Variants in CACNB4 observed in about 807,000 individuals in gnomAD.
The protein encoded by CACNB4 is voltage-dependent L-type calcium channel subunit beta-4.
In CACNB4, 32 loss-of-function variants were observed where a neutral mutation model predicts 71.2. The ratio of observed to expected loss-of-function variants is 0.45; its 90% CI spans 0.34 to 0.60. The LOEUF is 0.60. Among genes scored for constraint, CACNB4 ranks in the 20% least tolerant of loss-of-function variants. The probability of loss-of-function intolerance (pLI) is 0.01; values close to 1 mark genes in which losing one functional copy is unlikely to be tolerated. For synonymous variants in CACNB4, 231 were observed against 236.9 expected (o/e 0.97, Z 0.23); for missense variants, 464 against 647.9 (o/e 0.72, Z 3.08).
At chr2:152,007,770 C>T (rs1442819887) in intron 2 of CACNB4, among the ~76,000 whole-genome samples, 4 of 146,132 alleles carry the variant, frequency 2.7e-5, no homozygotes, top group African/African-American at 8.0e-5. Flanking sequence ...GGTAATTCTA[C>T]GTAATTTTTT....
intron 2 of CACNB4, among the ~76,000 whole-genome samples, chr2:151,900,498 C>T (rs886796582): frequency 2.6e-5 from 4 of 152,118 alleles, no homozygotes; most frequent in Non-Finnish European, 5.9e-5. Flanking sequence ...TGGTGCCTTG[C>T]CTTATGAGTC....
At chr2:152,060,600 T>C (rs1169982359) in intron 2 of CACNB4, among the ~76,000 whole-genome samples, 1 of 152,222 alleles carries the variant, frequency 6.6e-6, no homozygotes, top group African/African-American at 2.4e-5. Context: ...CATTAGATTT[T>C]CAACTTAGAA....
intron 10 of CACNB4, 111 bp from the exon 11 acceptor site, chr2:151,855,486 T>A: frequency 1.2e-6 from 1 of 824,590 alleles, no homozygotes; most frequent in South Asian, 2.8e-5. Flanking sequence ...AAATAAAACA[T>A]TTTAAATTTT....
At chr2:152,036,790 G>A (rs562657304) in intron 2 of CACNB4, among the ~76,000 whole-genome samples, 17 of 152,206 alleles carry the variant, frequency 1.1e-4, no homozygotes, top group East Asian at 9.7e-4. Flanking sequence ...TGGACACAAC[G>A]GCCTTGGACC....
At position 151,855,233 on chromosome 2, in the gene CACNB4, T is replaced by C; in HGVS notation, c.1011A>G (p.Ser337=). ...GAAAGGAGCTAATTACCTTTGGAGA[T>C]GAGACTTTTACATGAACAATAATTG... ...LAPIIVHVKV[S]SPKVLQRLIK... is the part of the protein sequence containing the mutation. The change falls in exon 11 of 14, where the codon TCA becomes TCG. Residue 337 remains serine (S), a synonymous_variant. Transcript: ENST00000539935. The C allele has an allele frequency of 6.5e-7, 1 of 1,532,798 alleles. No homozygotes were observed. Among genetic ancestry groups the C allele is most frequent in the Non-Finnish European group, 8.9e-7 (1 of 1,122,448 alleles). The allele number at this position is 1,532,798 out of a possible 1,614,324, so 94.9% of individuals were successfully genotyped here. A position where few individuals can be genotyped will look rare whatever the true frequency, so the allele number is the denominator to read the frequency against.
chr2:152,009,229 C>T (rs1231342989), intron 2 of CACNB4, among the ~76,000 whole-genome samples: 2 of 151,296 alleles, frequency 1.3e-5, no homozygotes, highest in African/African-American at 4.9e-5. Context: ...AAGGAAAAAG[C>T]ATCTCTTGCA....
intron 2 of CACNB4, among the ~76,000 whole-genome samples, chr2:151,887,482 G>C (rs1433549219): frequency 6.6e-6 from 1 of 152,016 alleles, no homozygotes; most frequent in African/African-American, 2.4e-5. Context: ...TCCCTTTAGG[G>C]AATCTTCTCA....
rs562874634 is a variant in CACNB4 at position 152,086,581 on chromosome 2, A to G, written c.147+11749T>C. On this transcript the variant is annotated intron_variant, in intron 2 of 13. Coordinates refer to ENST00000539935, the MANE Select transcript of CACNB4 (RefSeq NM_000726.5). Reference sequence around the variant, plus strand: ...CTTAATTGTATTTCTCAAGAAGGAAATGTTATAATTACCAAAGCAGAGTTA... The same window carrying G: ...CTTAATTGTATTTCTCAAGAAGGAAGTGTTATAATTACCAAAGCAGAGTTA... 3.3e-5 allele frequency among the ~76,000 whole-genome samples: 5 copies of G among 152,368 alleles called. No individual in the cohort carries two copies. The East Asian group carries it at 9.6e-4, about 29-fold the overall frequency.
chr2:151,854,560 C>T (rs907506128), intron 11 of CACNB4: 4 of 152,176 alleles, frequency 2.6e-5, no homozygotes, highest in African/African-American at 9.6e-5. Context: ...CCAAGGGTAA[C>T]CATTTCACGT....
intron 2 of CACNB4, among the ~76,000 whole-genome samples, chr2:152,059,124 G>C (rs1245184111): frequency 6.6e-6 from 1 of 152,230 alleles, no homozygotes; most frequent in Non-Finnish European, 1.5e-5. Context: ...TGCAGGAGTG[G>C]AGCCCTCATG....
intron 2 of CACNB4, among the ~76,000 whole-genome samples, chr2:152,004,528 TACATACAC>T (rs1268386279): frequency 1.5e-4 from 1 of 6,592 alleles, no homozygotes; most frequent in African/African-American, 1.9e-4. Context: ...CTACTTTACA[TACATACAC>T]ACACACACAC....
rs1005146241 is a variant in CACNB4 at position 151,835,820 on chromosome 2, G to A, written c.*3299C>T. 1 of 151,620 alleles carries A rather than the reference G, an allele frequency of 6.6e-6. No individual in the cohort carries two copies. Among genetic ancestry groups the A allele is most frequent in the Non-Finnish European group, 1.5e-5 (1 of 67,668 alleles). The allele number at this position is 151,620 out of a possible 1,614,324, so 9.4% of individuals were successfully genotyped here. On this transcript the variant is annotated 3_prime_UTR_variant, in exon 14 of 14. Coordinates refer to ENST00000539935, the MANE Select transcript of CACNB4 (RefSeq NM_000726.5). ...TCCAAAAATACATTTTGCAAACAAC[G>A]ACAATAATAATTAAATAGCAGATTA...
chr2:152,053,506 G>A (rs1046066765), intron 2 of CACNB4, among the ~76,000 whole-genome samples: 1 of 149,852 alleles, frequency 6.7e-6, no homozygotes, highest in South Asian at 2.1e-4. Flanking sequence ...CCTGGGTTCT[G>A]TGATCTGCTC....
intron 2 of CACNB4, among the ~76,000 whole-genome samples, chr2:152,092,868 A>G (rs1688053476): frequency 6.6e-6 from 1 of 152,048 alleles, no homozygotes; most frequent in South Asian, 2.1e-4. Flanking sequence ...CTATACATAT[A>G]TACCTAAGAT....
chr2:152,029,446 A>G (rs1684145519), intron 2 of CACNB4, among the ~76,000 whole-genome samples: 1 of 149,500 alleles, frequency 6.7e-6, no homozygotes, highest in African/African-American at 2.5e-5. Flanking sequence ...GTGAGCCAAG[A>G]CCACGCCACT....
chr2:151,936,825 C>A lies in CACNB4; in HGVS notation c.148-53455G>T, dbSNP rs55785231. ...AAAATGAGATTCTCTCCCTGCAGACCACTATGATTCTGTCTAACATGAACC... is the reference window on the plus strand; with the variant it reads ...AAAATGAGATTCTCTCCCTGCAGACAACTATGATTCTGTCTAACATGAACC... On this transcript the variant is annotated intron_variant, in intron 2 of 13. Coordinates refer to ENST00000539935, the MANE Select transcript of CACNB4 (RefSeq NM_000726.5). Among the ~76,000 whole-genome samples, 165 of 152,354 alleles carry A rather than the reference C, an allele frequency of 1.1e-3. 1 individual carries two copies. Among genetic ancestry groups the A allele is most frequent in the African/African-American group, 3.8e-3 (157 of 41,578 alleles).
chr2:152,098,877 C>T lies in CACNB4; in HGVS notation c.63+72G>A. 2 of 1,174,942 alleles carry T rather than the reference C, an allele frequency of 1.7e-6. No homozygotes were observed. The highest frequency in any genetic ancestry group is 2.3e-6 in the Non-Finnish European group (2 of 865,104). The allele number at this position is 1,174,942 out of a possible 1,614,324, so 72.8% of individuals were successfully genotyped here. A position where few individuals can be genotyped will look rare whatever the true frequency, so the allele number is the denominator to read the frequency against. On this transcript the variant is annotated intron_variant, in intron 1 of 13. Coordinates refer to ENST00000539935, the MANE Select transcript of CACNB4 (RefSeq NM_000726.5). The surrounding 1 kb of genome is among the most constrained non-coding windows in gnomAD (Gnocchi z 5.3). Reference sequence around the variant, plus strand: ...CCGCACGCCCGGCACGAAGGCGGGGCGCGCTAGGGCGGCGGAGGAGGTGTG... The same window carrying T: ...CCGCACGCCCGGCACGAAGGCGGGGTGCGCTAGGGCGGCGGAGGAGGTGTG...
At chr2:151,860,480 A>G (rs1432265141) in intron 10 of CACNB4, 1 of 548,504 alleles carries the variant, frequency 1.8e-6, no homozygotes, top group East Asian at 3.2e-5. Flanking sequence ...CCCATTGAGG[A>G]TTCTTTCCAC....
At chr2:151,905,023 G>A (rs75777121) in intron 2 of CACNB4, among the ~76,000 whole-genome samples, 4 of 151,998 alleles carry the variant, frequency 2.6e-5, no homozygotes, top group African/African-American at 9.7e-5. Flanking sequence ...TCCCCTCATC[G>A]CCTGCAATCA....
Sources: gnomAD v4.1 joint callset for allele counts (sites outside exome capture counted in the v4.1 genomes callset) on GRCh38, gnomAD v4.1.1 for gene constraint, Gnocchi (gnomAD v3.1) non-coding constraint, MANE v1.5 for transcripts, NCBI Gene and HGNC (gene_info 2026-07-23, HGNC 2026-07-21) for gene names.